The following RACGAP1 variants were observed in gnomAD, a reference collection of about 807,000 sequenced individuals.
RACGAP1 encodes the protein rac GTPase-activating protein 1.
A neutral mutation model predicts 78.1 loss-of-function variants in RACGAP1; 30 were observed. The observed-to-expected ratio is 0.38, with a 90% CI of 0.29 to 0.52. The LOEUF (loss-of-function observed/expected upper bound fraction) is 0.52. RACGAP1 is among the 20% of genes least tolerant of loss of function. RACGAP1 has a pLI of 0.82. For missense variants in RACGAP1, 587 were observed against 777.1 expected (o/e 0.76, Z 2.91); for synonymous variants, 231 against 264.8 (o/e 0.87, Z 1.24).
Position 50,025,489 on chromosome 12 carries a change from G to C in RACGAP1, c.-96C>G. On this transcript the variant is annotated 5_prime_UTR_variant, in exon 1 of 17. Transcript: ENST00000312377. ...AGCGCCGCGCCCACAGCTCCGGTTT[G>C]AAAACCTTCACCAACCAATCACAGA... 1.0e-6 allele frequency: 1 copy of C among 985,626 alleles called. No individual in the cohort carries two copies. Among genetic ancestry groups the C allele is most frequent in the Non-Finnish European group, 1.2e-6 (1 of 830,074 alleles). The allele number at this position is 985,626 out of a possible 1,614,324, so 61.1% of individuals were successfully genotyped here.
Position 49,994,300 on chromosome 12 carries a change from G to A in RACGAP1, c.1170C>T (p.Asp390=). The A allele has an allele frequency of 4.3e-6, 7 of 1,614,054 alleles. No homozygotes were observed. The highest frequency in any genetic ancestry group is 1.3e-5 in the African/African-American group (1 of 75,000). Residue 390 remains aspartate, a synonymous_variant, in exon 12 of 17, where the codon GAC becomes GAT. Coordinates refer to ENST00000312377, the MANE Select transcript of RACGAP1 (RefSeq NM_001319999.2). ...ETGLYRISGC[D]RTVKELKEKF... is the part of the protein sequence containing the mutation. ...TCTCTTTCAGCTCTTTTACTGTGCG[G>A]TCACAGCCAGAGATCCTATACAGGC...
upstream of RACGAP1, among the ~76,000 whole-genome samples, chr12:50,026,736 G>A (rs147522532): frequency 2.0e-5 from 3 of 152,314 alleles, no homozygotes; most frequent in East Asian, 3.9e-4. Context: ...CACGCAGGCT[G>A]GAGTGCAGTG....
At chr12:50,006,139 C>T (rs889272276) in intron 3 of RACGAP1, among the ~76,000 whole-genome samples, 3 of 152,150 alleles carry the variant, frequency 2.0e-5, no homozygotes, top group Non-Finnish European at 4.4e-5. Context: ...AGATCAAGTA[C>T]GTTAGGATCT....
intron 1 of RACGAP1, among the ~76,000 whole-genome samples, chr12:50,024,790 TA>T (rs547111018): frequency 4.9e-4 from 71 of 144,792 alleles, no homozygotes; most frequent in South Asian, 6.5e-4. Flanking sequence ...AATGCTTTCT[TA>T]AAAAAAAAAA....
At chr12:50,015,503 C>T (rs1055782470) in intron 2 of RACGAP1, among the ~76,000 whole-genome samples, 1 of 152,004 alleles carries the variant, frequency 6.6e-6, no homozygotes, top group South Asian at 2.1e-4. Context: ...GACCTTATCT[C>T]TACAAAAAAT....
At chr12:50,022,411 T>C (rs1372075156) in intron 1 of RACGAP1, among the ~76,000 whole-genome samples, 1 of 152,070 alleles carries the variant, frequency 6.6e-6, no homozygotes, top group Non-Finnish European at 1.5e-5. Context: ...GGAGAAACCC[T>C]GTCTCTACTA....
chr12:50,025,687 CT>C, upstream of RACGAP1: 1 of 321,812 alleles, frequency 3.1e-6, no homozygotes, highest in Non-Finnish European at 4.5e-6. Context: ...TTGCGGTGCC[CT>C]TTCCGGAAGT....
intron 16 of RACGAP1, 105 bp from the exon 17 acceptor site, chr12:49,990,448 A>C (rs1947758228): frequency 9.4e-7 from 1 of 1,064,180 alleles, no homozygotes; most frequent in African/African-American, 1.6e-5. Flanking sequence ...GAAACCCTAG[A>C]CAACTATTTT....
At chr12:50,016,346 C>T (rs1949679222) in intron 2 of RACGAP1, among the ~76,000 whole-genome samples, 1 of 151,976 alleles carries the variant, frequency 6.6e-6, no homozygotes, top group African/African-American at 2.4e-5. Context: ...GTCGCCACTG[C>T]ACTCCAGCCT....
In RACGAP1 at chr12:49,996,493, C is replaced by T. The variant is rs763896941; in HGVS notation, c.1044+547G>A. On this transcript the variant is annotated intron_variant, in intron 10 of 16. Transcript: ENST00000312377. ...AAAAATACAACCAAAAAAAATTAGC[C>T]GGGCATGGTGGTGGTACATGCCTGT... 8.0e-5 allele frequency among the ~76,000 whole-genome samples: 12 copies of T among 150,006 alleles called. No homozygotes were observed. The South Asian group carries it at 1.5e-3, about 19-fold the overall frequency.
intron 1 of RACGAP1, chr12:50,019,870 A>G (rs1179249085): frequency 6.6e-6 from 1 of 152,124 alleles, no homozygotes; most frequent in Admixed American, 6.6e-5. Flanking sequence ...AAATTTTAAA[A>G]TGTATAAGTT....
intron 4 of RACGAP1, among the ~76,000 whole-genome samples, chr12:50,004,673 C>T (rs557343702): frequency 1.3e-5 from 2 of 152,320 alleles, no homozygotes; most frequent in South Asian, 2.1e-4. Flanking sequence ...TTTCTACAAA[C>T]AAGAGTATTA....
Position 49,990,171 on chromosome 12 carries a change from TA to T in RACGAP1, c.*96del. ...ACTTGAGTAAAAGCCTGGAGAATGC[TA>T]AAAGTAGTAATGAGTACAGGAGGCT... is the stretch of plus-strand genomic sequence containing the variant. On this transcript the variant is annotated 3_prime_UTR_variant, in exon 17 of 17. Coordinates refer to ENST00000312377, the MANE Select transcript of RACGAP1 (RefSeq NM_001319999.2). 9.9e-7 allele frequency: 1 copy of T among 1,007,346 alleles called. No homozygotes were observed. Among genetic ancestry groups the T allele is most frequent in the Non-Finnish European group, 1.5e-6 (1 of 664,330 alleles). The allele number at this position is 1,007,346 out of a possible 1,614,324, so 62.4% of individuals were successfully genotyped here. A position where few individuals can be genotyped will look rare whatever the true frequency, so the allele number is the denominator to read the frequency against.
At chr12:50,003,079 G>A (rs1948784031) in intron 5 of RACGAP1, among the ~76,000 whole-genome samples, 1 of 150,078 alleles carries the variant, frequency 6.7e-6, no homozygotes, top group Non-Finnish European at 1.5e-5. Context: ...CCTAAAACGT[G>A]TCCACCACTG....
At chr12:50,028,539 C>T (rs527304043), upstream of RACGAP1, among the ~76,000 whole-genome samples, 3 of 152,084 alleles carry the variant, frequency 2.0e-5, no homozygotes, top group East Asian at 1.9e-4. Context: ...GAGGCCGAGG[C>T]CTGTGGATCT....
chr12:49,996,207 G>C (rs1948252856), intron 10 of RACGAP1, among the ~76,000 whole-genome samples: 1 of 151,956 alleles, frequency 6.6e-6, no homozygotes, highest in Non-Finnish European at 1.5e-5. Flanking sequence ...CCAGCAACTT[G>C]GGAGGCTGAG....
chr12:49,993,559 G>A (rs965873948), intron 12 of RACGAP1, among the ~76,000 whole-genome samples: 3 of 152,134 alleles, frequency 2.0e-5, no homozygotes, highest in Admixed American at 1.3e-4. Context: ...GGACAAGGTG[G>A]GTAGATCACC....
intron 2 of RACGAP1, among the ~76,000 whole-genome samples, chr12:50,015,296 C>A (rs903013056): frequency 2.0e-5 from 3 of 152,154 alleles, no homozygotes; most frequent in Non-Finnish European, 2.9e-5. Context: ...TGCAAACCAC[C>A]AAACCTGGCT....
chr12:50,028,959 T>G (rs1321606029), upstream of RACGAP1, among the ~76,000 whole-genome samples: 1 of 152,060 alleles, frequency 6.6e-6, no homozygotes, highest in Non-Finnish European at 1.5e-5. Context: ...GGCTCATGCC[T>G]GTATTCCCAG....
Sources: allele counts gnomAD v4.1 joint callset (sites outside exome capture counted in the v4.1 genomes callset), GRCh38; gene constraint gnomAD v4.1.1; transcripts MANE v1.5; gene names NCBI Gene and HGNC (gene_info 2026-07-23, HGNC 2026-07-21).